The following TMTC4 variants were observed in gnomAD, a reference collection of about 807,000 sequenced individuals.
The protein encoded by TMTC4 is transmembrane O-mannosyltransferase targeting cadherins 4, also known as protein O-mannosyl-transferase TMTC4.
In TMTC4, 65 loss-of-function variants were observed where a neutral mutation model predicts 86.0. The observed-to-expected ratio is 0.76, with a 90% CI of 0.62 to 0.93. TMTC4 has a LOEUF of 0.93. TMTC4 is among the 40% of genes least tolerant of loss of function. The probability of loss-of-function intolerance (pLI) is 0.00; values close to 1 mark genes in which losing one functional copy is unlikely to be tolerated. For synonymous variants in TMTC4, 379 were observed against 382.5 expected, an observed-to-expected ratio of 0.99 and a Z score of 0.11; for missense variants, 866 against 948.1, an observed-to-expected ratio of 0.91 and a Z score of 1.14.
intron 6 of TMTC4, among the ~76,000 whole-genome samples, chr13:100,643,066 G>A (rs1883234213): frequency 1.3e-5 from 2 of 152,188 alleles, no homozygotes; most frequent in Non-Finnish European, 2.9e-5. Context: ...CTGCGAGCAG[G>A]GTCTGGCTGT....
At chr13:100,653,092 T>G (rs901829478) in intron 6 of TMTC4, among the ~76,000 whole-genome samples, 14 of 152,208 alleles carry the variant, frequency 9.2e-5, no homozygotes, top group Non-Finnish European at 1.5e-4. Context: ...TATTATTAAT[T>G]TGCAGCAAGT....
At chr13:100,668,354 G>A (rs892719800) in intron 3 of TMTC4, 1 of 552,826 alleles carries the variant, frequency 1.8e-6, no homozygotes, top group Non-Finnish European at 3.2e-6. Flanking sequence ...AGCTCTTGAG[G>A]GGAGTGCCTG....
intron 2 of TMTC4, among the ~76,000 whole-genome samples, chr13:100,670,115 C>T (rs1886900254): frequency 6.6e-6 from 1 of 152,072 alleles, no homozygotes; most frequent in African/African-American, 2.4e-5. Context: ...TGATTGGTAC[C>T]GAGGCTCCTG....
At chr13:100,675,038 G>A, upstream of TMTC4, 1 of 985,680 alleles carries the variant, frequency 1.0e-6, no homozygotes, top group Non-Finnish European at 1.2e-6. Context: ...GCGCTAGTCG[G>A]CGGCGAAGGA....
intron 4 of TMTC4, among the ~76,000 whole-genome samples, chr13:100,663,943 G>A (rs1337593362): frequency 2.0e-5 from 3 of 152,168 alleles, no homozygotes; most frequent in Non-Finnish European, 4.4e-5. Flanking sequence ...GCCCCATGAT[G>A]CTTTCACTCA....
chr13:100,645,761 C>G (rs1883650583), intron 6 of TMTC4, among the ~76,000 whole-genome samples: 1 of 152,216 alleles, frequency 6.6e-6, no homozygotes, highest in South Asian at 2.1e-4. Flanking sequence ...ATCACAAGCA[C>G]TTGATTTTCT....
intron 7 of TMTC4, 61 bp downstream of exon 7, chr13:100,642,150 C>CT (rs1883095229): frequency 1.3e-6 from 2 of 1,579,216 alleles, no homozygotes; most frequent in African/African-American, 2.7e-5. Context: ...CCCCAGATGT[C>CT]TTTATAGGAG....
chr13:100,662,522 T>C (rs990239397), intron 5 of TMTC4, among the ~76,000 whole-genome samples: 16 of 152,098 alleles, frequency 1.1e-4, no homozygotes, highest in African/African-American at 3.6e-4. Flanking sequence ...AAGGATTTTA[T>C]AAATCACAAA....
chr13:100,664,094 GCTCAGACCCCAC>G, intron 4 of TMTC4, 115 bp downstream of exon 4: 1 of 738,226 alleles, frequency 1.4e-6, no homozygotes. Flanking sequence ...TATATGAGCA[GCTCAGACCCCAC>G]CTGGAGCCAC....
chr13:100,668,216 G>GC (rs1813026764), intron 3 of TMTC4: 1 of 157,430 alleles, frequency 6.4e-6, no homozygotes, highest in African/African-American at 2.5e-5. Context: ...TGCGTGATGG[G>GC]TTTTTTTTTT....
At chr13:100,606,316 T>C (rs1479379317) in intron 18 of TMTC4, 42 bp downstream of exon 18, 1 of 1,566,214 alleles carries the variant, frequency 6.4e-7, no homozygotes, top group East Asian at 2.2e-5. Flanking sequence ...TTCATTAAAG[T>C]AACAAAATTT....
chr13:100,609,852 T>G (rs1161139701), intron 17 of TMTC4, among the ~76,000 whole-genome samples: 2 of 152,186 alleles, frequency 1.3e-5, no homozygotes, highest in African/African-American at 4.8e-5. Context: ...GCTAAGTGAC[T>G]GCTGTTAGGT....
At chr13:100,628,020 AAG>A (rs533070174) in intron 12 of TMTC4, among the ~76,000 whole-genome samples, 206 of 152,314 alleles carry the variant, frequency 1.4e-3, no homozygotes, top group Admixed American at 2.6e-3. Context: ...GGAGAGAGGG[AAG>A]AGTGTCAAGA....
chr13:100,607,932 G>C (rs1876922045), intron 17 of TMTC4, among the ~76,000 whole-genome samples: 1 of 152,158 alleles, frequency 6.6e-6, no homozygotes, highest in South Asian at 2.1e-4. Context: ...GCCATATCAG[G>C]AAGGCTGCAG....
At chr13:100,648,828 T>G (rs1050975138) in intron 6 of TMTC4, among the ~76,000 whole-genome samples, 6 of 152,282 alleles carry the variant, frequency 3.9e-5, no homozygotes, top group African/African-American at 1.4e-4. Flanking sequence ...CACAGGCACA[T>G]GCCACCAGGC....
At chr13:100,627,577 C>T (rs1177210873) in intron 12 of TMTC4, among the ~76,000 whole-genome samples, 1 of 152,304 alleles carries the variant, frequency 6.6e-6, no homozygotes, top group East Asian at 1.9e-4. Context: ...CCTGTCTCTT[C>T]TCCTGTCTTA....
chr13:100,661,281 G>A (rs1226433650), intron 5 of TMTC4, among the ~76,000 whole-genome samples: 1 of 152,186 alleles, frequency 6.6e-6, no homozygotes, highest in Admixed American at 6.5e-5. Context: ...GTGTGTGTGA[G>A]AGAGAATGTG....
At position 100,664,296 on chromosome 13, in the gene TMTC4, T is replaced by G; in HGVS notation, c.260A>C (p.His87Pro). 20 of 1,612,128 alleles carry G rather than the reference T, an allele frequency of 1.2e-5. No individual in the cohort carries two copies. Among genetic ancestry groups the G allele is most frequent in the Non-Finnish European group, 1.7e-5 (20 of 1,179,036 alleles). ...GCTCAGTCTACTGCCCCAGAAGTCA[T>G]GATGCCACAGGTCCCCCAGGGGCGT... is the stretch of plus-strand genomic sequence containing the variant. ...AETPLGDLWH[H>P]DFWGSRLSSN... Residue 87 changes from histidine (H) to proline (P), a missense_variant, in exon 4 of 19, where the codon CAT becomes CCT. His to Pro is a moderately conservative substitution (Grantham distance 77). Transcript: ENST00000342624.
intron 6 of TMTC4, among the ~76,000 whole-genome samples, chr13:100,645,514 G>T (rs1883604891): frequency 6.6e-6 from 1 of 152,030 alleles, no homozygotes; most frequent in African/African-American, 2.4e-5. Context: ...GAGCAGGTAA[G>T]CCCGGTTCAC....
Sources: gnomAD v4.1 joint callset for allele counts (sites outside exome capture counted in the v4.1 genomes callset) on GRCh38, gnomAD v4.1.1 for gene constraint, MANE v1.5 for transcripts, NCBI Gene and HGNC (gene_info 2026-07-23, HGNC 2026-07-21) for gene names.